LAMB3: variants seen among roughly 807,000 people sequenced by gnomAD.
LAMB3 encodes laminin subunit beta 3.
A neutral mutation model predicts 140.3 loss-of-function variants in LAMB3; 104 were observed. The observed-to-expected ratio is 0.74, with a 90% confidence interval of 0.63 to 0.87. LAMB3 has a LOEUF of 0.87. Among genes scored for constraint, LAMB3 ranks in the 40% least tolerant of loss-of-function variants. The probability of loss-of-function intolerance (pLI) is 0.00; values close to 1 mark genes in which losing one functional copy is unlikely to be tolerated. For missense variants in LAMB3, 1,531 were observed against 1,575.2 expected (o/e 0.97, Z 0.47); for synonymous variants, 592 against 602.9 (o/e 0.98, Z 0.26).
At chr1:209,636,019 A>C (rs115482142) in intron 5 of LAMB3, among the ~76,000 whole-genome samples, 1,561 of 152,044 alleles carry the variant, frequency 0.01, 10 homozygotes, top group Non-Finnish European at 0.016. Flanking sequence ...CTGAAATGTC[A>C]TTTCCTGGTA....
At position 209,628,061 on chromosome 1, in the gene LAMB3, G is replaced by A. The variant is rs910058221; in HGVS notation, c.1262C>T (p.Thr421Ile). The A allele has an allele frequency of 7.5e-6, 12 of 1,607,076 alleles. No homozygotes were observed. The highest frequency in any genetic ancestry group is 1.0e-5 in the Non-Finnish European group (12 of 1,176,726). The change falls in exon 11 of 23, where the codon ACC (threonine) becomes ATC (isoleucine). Residue 421 changes from threonine to isoleucine, a missense_variant. Thr to Ile is a moderately conservative substitution (Grantham distance 89). Coordinates refer to ENST00000356082, the MANE Select transcript of LAMB3 (RefSeq NM_000228.3). ...GTGGCAGCCCTGCGGGTTGGCGTAGGTGAGTCCAGTGAAGCCCGGCTTGCA... is the reference window on the plus strand; with the variant it reads ...GTGGCAGCCCTGCGGGTTGGCGTAGATGAGTCCAGTGAAGCCCGGCTTGCA... ...DLCKPGFTGL[T>I]YANPQGCHRC...
chr1:209,631,402 C>CTCT (rs1666687069), intron 8 of LAMB3, among the ~76,000 whole-genome samples: 1 of 152,184 alleles, frequency 6.6e-6, no homozygotes, highest in Non-Finnish European at 1.5e-5. Flanking sequence ...GCCTAGAATT[C>CTCT]TCTTCTCTCT....
chr1:209,623,640 C>G lies in LAMB3; in HGVS notation c.2223G>C (p.Gln741His). ...QVSDSSRLLD[Q>H]LRDSRREAER... The stretch of plus-strand genomic sequence containing the variant: ...CTGCCTCTCTCCGGCTGTCCCTGAG[C>G]TGGTCCAAAAGGCGCGAGCTGTCGG... Residue 741 changes from glutamine (Q) to histidine (H), a missense_variant, in exon 16 of 23, where the codon CAG (glutamine) becomes CAC (histidine). Coordinates refer to ENST00000356082, the MANE Select transcript of LAMB3 (RefSeq NM_000228.3). The surrounding 1 kb of genome is among the most constrained non-coding windows in gnomAD (Gnocchi z 4.2). 3.1e-6 allele frequency: 5 copies of G among 1,614,218 alleles called. No homozygotes were observed. Among genetic ancestry groups the G allele is most frequent in the Non-Finnish European group, 3.4e-6 (4 of 1,180,048 alleles).
chr1:209,642,652 T>A (rs2076479899), intron 3 of LAMB3, among the ~76,000 whole-genome samples: 1 of 152,172 alleles, frequency 6.6e-6, no homozygotes, highest in African/African-American at 2.4e-5. Context: ...CTAATTTTTG[T>A]ATTTTTAGTA....
At chr1:209,628,925 G>C (rs1467960696) in intron 10 of LAMB3, among the ~76,000 whole-genome samples, 1 of 152,152 alleles carries the variant, frequency 6.6e-6, no homozygotes, top group Non-Finnish European at 1.5e-5. Context: ...CCGAGGCTCA[G>C]ATATGTCAAA....
In LAMB3 at chr1:209,618,549, T is replaced by C. The variant is rs748627434; in HGVS notation, c.2812A>G (p.Ile938Val). ...VLQKMNEIQA[I>V]AARLPNVDLV... The stretch of plus-strand genomic sequence containing the variant: ...TCCACGTTGGGGAGCCTGGCTGCAA[T>C]GGCCTGGATCTCATTCATCTTCTGC... The change falls in exon 19 of 23, where the codon ATT becomes GTT. Residue 938 changes from isoleucine to valine, a missense_variant. Transcript: ENST00000356082. 2 of 1,614,244 alleles carry C rather than the reference T, an allele frequency of 1.2e-6. No homozygotes were observed. The highest frequency in any genetic ancestry group is 4.5e-5 in the East Asian group (2 of 44,882).
Position 209,651,131 on chromosome 1 carries a change from T to G in LAMB3, c.-37-150A>C, listed in dbSNP as rs1456953795. 8.9e-6 allele frequency: 6 copies of G among 671,586 alleles called. No homozygotes were observed. In the South Asian group the frequency reaches 9.6e-5, roughly 11 times the overall value. The allele number at this position is 671,586 out of a possible 1,614,324, so 41.6% of individuals were successfully genotyped here. On this transcript the variant is annotated intron_variant, in intron 1 of 22. Transcript: ENST00000356082. ...ACACTTGGAGCAGCAGATACATTTG[T>G]AGCTTGGAAAATGCTGGAGCTCTAG...
rs781340262 is a variant in LAMB3 at position 209,650,985 on chromosome 1, G to T, written c.-37-4C>A. ...TGATCCCCAGAAAGGACCTTTCCTA[G>T]GACACAGCAAAGCAAACTGGGTACA... On this transcript the variant is annotated splice_region_variant and splice_polypyrimidine_tract_variant and intron_variant, in intron 1 of 22. Coordinates refer to ENST00000356082, the MANE Select transcript of LAMB3 (RefSeq NM_000228.3). 6.2e-7 allele frequency: 1 copy of T among 1,607,186 alleles called. No homozygotes were observed. Among genetic ancestry groups the T allele is most frequent in the Non-Finnish European group, 8.5e-7 (1 of 1,173,652 alleles).
At chr1:209,630,863 A>G in intron 8 of LAMB3, 128 bp from the exon 9 acceptor site, 1 of 1,086,588 alleles carries the variant, frequency 9.2e-7, no homozygotes. Flanking sequence ...CCTTCCAGGA[A>G]GCTTCCTCTG....
chr1:209,622,424 G>T (rs932485673), intron 18 of LAMB3, 112 bp downstream of exon 18: 1 of 1,277,250 alleles, frequency 7.8e-7, no homozygotes, highest in African/African-American at 1.5e-5. Flanking sequence ...TGGAGGCCTG[G>T]ATGTTGCAGG....
intron 5 of LAMB3, among the ~76,000 whole-genome samples, chr1:209,636,460 G>A (rs187976406): frequency 4.2e-4 from 64 of 152,278 alleles, no homozygotes; most frequent in Non-Finnish European, 8.2e-4. Context: ...GTTCACAGGT[G>A]GACCCCCAAC....
chr1:209,634,581 G>A lies in LAMB3; in HGVS notation c.430C>T (p.Arg144Ter), dbSNP rs759518184. The A allele has an allele frequency of 3.7e-6, 6 of 1,614,070 alleles. No homozygotes were observed. Among genetic ancestry groups the A allele is most frequent in the Admixed American group, 3.3e-5 (2 of 60,016 alleles). Residue 144 changes from arginine (R) to a stop codon, truncating the protein, a stop_gained, in exon 6 of 23, where the codon CGA becomes TGA. Transcript: ENST00000356082. LOFTEE classifies it high-confidence loss of function. ...ERSSDFGKTW[R>*]VYQYLAADCT... ...TCGGCAGCCAGGTACTGGTACACTC[G>A]CCAGGTCTTACCGAAGTCTGAGGAG...
chr1:209,648,743 C>CAGCCTG (rs2076539115), intron 3 of LAMB3, among the ~76,000 whole-genome samples: 1 of 152,026 alleles, frequency 6.6e-6, no homozygotes, highest in Non-Finnish European at 1.5e-5. Context: ...AAATGCAAGT[C>CAGCCTG]AGCCTGAGAA....
At chr1:209,638,470 C>G (rs1196627666) in intron 4 of LAMB3, 64 bp downstream of exon 4, 1 of 1,086,522 alleles carries the variant, frequency 9.2e-7, no homozygotes, top group Non-Finnish European at 1.4e-6. Flanking sequence ...TATAGGGCAC[C>G]TTCCATCCGT....
Position 209,627,778 on chromosome 1 carries a change from A to AC in LAMB3, c.1289-200dup, listed in dbSNP as rs2102424988. ...TGGCAGCTCAGCCGCCTGCCTGCCCACCCTCCATCTGGCTGACTCAGTCCC... is the reference window on the plus strand; with the variant it reads ...TGGCAGCTCAGCCGCCTGCCTGCCCACCCCTCCATCTGGCTGACTCAGTCCC... On this transcript the variant is annotated intron_variant, in intron 11 of 22. Coordinates refer to ENST00000356082, the MANE Select transcript of LAMB3 (RefSeq NM_000228.3). Among the ~76,000 whole-genome samples the AC allele has an allele frequency of 1.3e-5, 2 of 152,118 alleles. 1 individual carries two copies. The highest frequency in any genetic ancestry group is 4.2e-4 in the South Asian group (2 of 4,814).
chr1:209,641,101 T>TAAAA (rs57763866), intron 3 of LAMB3, among the ~76,000 whole-genome samples: 1 of 130,892 alleles, frequency 7.6e-6, no homozygotes, highest in Non-Finnish European at 1.6e-5. Flanking sequence ...AAAAAAAATT[T>TAAAA]AAAAAAAAAA....
In LAMB3 at chr1:209,642,748, A is replaced by G. The variant is rs538233737; in HGVS notation, c.184-4100T>C. Among the ~76,000 whole-genome samples the G allele has an allele frequency of 5.3e-5, 8 of 152,248 alleles. No homozygotes were observed. In the East Asian group the frequency reaches 1.5e-3, roughly 29 times the overall value. On this transcript the variant is annotated intron_variant, in intron 3 of 22. Transcript: ENST00000356082. ...CCCACCCCAGCCTCCCAAAGTGCTG[A>G]GATTACAGGTGTGAGCCACTTGCAC...
chr1:209,630,491 A>C, intron 9 of LAMB3, 124 bp downstream of exon 9: 2 of 1,094,368 alleles, frequency 1.8e-6, no homozygotes, highest in South Asian at 2.9e-5. Context: ...GTAATGGTGC[A>C]ATTCAGTTTA....
At chr1:209,633,702 G>T (rs140840539) in intron 6 of LAMB3, among the ~76,000 whole-genome samples, 33 of 152,318 alleles carry the variant, frequency 2.2e-4, no homozygotes, top group African/African-American at 7.9e-4. Flanking sequence ...AACCAAGGAG[G>T]AACTGCTAAA....
Sources: allele counts gnomAD v4.1 joint callset (sites outside exome capture counted in the v4.1 genomes callset), GRCh38; gene constraint gnomAD v4.1.1; non-coding constraint Gnocchi (gnomAD v3.1); transcripts MANE v1.5; gene names NCBI Gene and HGNC (gene_info 2026-07-23, HGNC 2026-07-21).